Variants in PCMTD1 observed in about 807,000 individuals in gnomAD.
The protein encoded by PCMTD1 is protein-L-isoaspartate (D-aspartate) O-methyltransferase domain containing 1.
In PCMTD1, 12 loss-of-function variants were observed where a neutral mutation model predicts 37.6. The ratio of observed to expected loss-of-function variants is 0.32; its 90% CI spans 0.20 to 0.52. The LOEUF (loss-of-function observed/expected upper bound fraction) is 0.52. Among genes scored for constraint, PCMTD1 ranks in the 20% least tolerant of loss-of-function variants. PCMTD1 has a pLI of 0.97. For missense variants in PCMTD1, 235 were observed against 421.3 expected, an observed-to-expected ratio of 0.56 and a Z score of 3.87; for synonymous variants, 117 against 135.8, an observed-to-expected ratio of 0.86 and a Z score of 0.96.
chr8:51,822,327 T>G (rs2037860395), intron 5 of PCMTD1, among the ~76,000 whole-genome samples: 1 of 150,378 alleles, frequency 6.6e-6, no homozygotes. Context: ...ATTTTGAAGA[T>G]AGGATGGAAA....
chr8:51,874,344 C>T (rs1585842037), intron 1 of PCMTD1, among the ~76,000 whole-genome samples: 1 of 151,940 alleles, frequency 6.6e-6, no homozygotes, highest in Non-Finnish European at 1.5e-5. Context: ...CCATCCCCCG[C>T]CCCCGGGGCT....
chr8:51,871,179 G>A (rs1199237438), intron 1 of PCMTD1, among the ~76,000 whole-genome samples: 1 of 152,112 alleles, frequency 6.6e-6, no homozygotes, highest in African/African-American at 2.4e-5. Context: ...ATCGCCTACT[G>A]ACCTCCTTAA....
intron 1 of PCMTD1, among the ~76,000 whole-genome samples, chr8:51,898,441 G>T (rs981737948): frequency 9.2e-5 from 14 of 151,936 alleles, no homozygotes; most frequent in Non-Finnish European, 1.8e-4. Flanking sequence ...AGACTTCCCC[G>T]AGTCTACGTA....
At chr8:51,869,660 T>TA (rs2038610557) in intron 1 of PCMTD1, among the ~76,000 whole-genome samples, 1 of 151,822 alleles carries the variant, frequency 6.6e-6, no homozygotes. Flanking sequence ...CACTGAACAA[T>TA]AAAACCAAAA....
At position 51,862,351 on chromosome 8, in the gene PCMTD1, T is replaced by TATACAC. The variant is rs1554523796; in HGVS notation, c.-95-1106_-95-1105insGTGTAT. Among the ~76,000 whole-genome samples, 89 of 141,486 alleles carry TATACAC rather than the reference T, an allele frequency of 6.3e-4. 2 individuals carry two copies. The South Asian group carries it at 0.018, about 28-fold the overall frequency. 92.8% of individuals were successfully genotyped at this position (141,486 alleles called of 152,430 possible). On this transcript the variant is annotated intron_variant, in intron 1 of 5. Transcript: ENST00000522514. ...ATTCCAAGCACTAGAACATGTTTTA[T>TATACAC]ACACATACACACACACACACACTCA...
intron 5 of PCMTD1, among the ~76,000 whole-genome samples, chr8:51,826,531 A>G (rs960501482): frequency 1.3e-5 from 2 of 152,180 alleles, no homozygotes; most frequent in Non-Finnish European, 2.9e-5. Context: ...AAAAAATAAA[A>G]TAAACTTTTA....
intron 3 of PCMTD1, chr8:51,839,385 A>G: frequency 1.2e-6 from 1 of 867,296 alleles, no homozygotes; most frequent in South Asian, 5.3e-5. Flanking sequence ...TAGAGCACAC[A>G]GATATCTCGG....
At chr8:51,859,907 T>TTA (rs67279728) in intron 2 of PCMTD1, among the ~76,000 whole-genome samples, 104,365 of 151,916 alleles carry the variant, frequency 0.69, 42,304 homozygotes, top group Non-Finnish European at 0.9. Flanking sequence ...GCTGTTGATT[T>TTA]TGTCTTCTCA....
At chr8:51,841,336 G>A (rs1017268770) in intron 3 of PCMTD1, among the ~76,000 whole-genome samples, 1 of 152,078 alleles carries the variant, frequency 6.6e-6, no homozygotes, top group African/African-American at 2.4e-5. Context: ...ACTATACAGA[G>A]ACAATGGTCT....
chr8:51,842,879 T>C (rs2038167279), intron 3 of PCMTD1, among the ~76,000 whole-genome samples: 1 of 152,172 alleles, frequency 6.6e-6, no homozygotes, highest in Admixed American at 6.5e-5. Flanking sequence ...CTCTCTCCAT[T>C]ACACATAATC....
chr8:51,829,891 A>G (rs1025308073), intron 5 of PCMTD1, among the ~76,000 whole-genome samples: 2 of 152,164 alleles, frequency 1.3e-5, no homozygotes, highest in African/African-American at 4.8e-5. Context: ...CTTTCTATAA[A>G]CCCAAATTCC....
chr8:51,869,765 G>A (rs2038612214), intron 1 of PCMTD1, among the ~76,000 whole-genome samples: 1 of 152,142 alleles, frequency 6.6e-6, no homozygotes, highest in African/African-American at 2.4e-5. Context: ...CAGTTACAGA[G>A]TTATGTCTGT....
chr8:51,854,153 AAT>A (rs2129284142), intron 2 of PCMTD1, among the ~76,000 whole-genome samples: 2 of 152,304 alleles, frequency 1.3e-5, no homozygotes, highest in South Asian at 4.1e-4. Context: ...AACTTCTAAG[AAT>A]AGTGTGAAAA....
intron 1 of PCMTD1, among the ~76,000 whole-genome samples, chr8:51,893,330 C>A (rs2038960624): frequency 6.6e-6 from 1 of 152,070 alleles, no homozygotes; most frequent in Non-Finnish European, 1.5e-5. Context: ...GCATGATAAC[C>A]ATTAACATCG....
intron 1 of PCMTD1, among the ~76,000 whole-genome samples, chr8:51,881,277 T>C (rs993210162): frequency 1.3e-5 from 2 of 152,224 alleles, no homozygotes; most frequent in African/African-American, 2.4e-5. Context: ...AACATTTATA[T>C]TCTTCAAGCT....
At chr8:51,835,179 AGT>A (rs578004481) in intron 3 of PCMTD1, among the ~76,000 whole-genome samples, 76 of 152,300 alleles carry the variant, frequency 5.0e-4, no homozygotes, top group African/African-American at 1.8e-3. Context: ...ACCATCACAC[AGT>A]GTTTTGAAAT....
At chr8:51,850,028 T>C in intron 2 of PCMTD1, 1 of 701,920 alleles carries the variant, frequency 1.4e-6, no homozygotes, top group Non-Finnish European at 2.6e-6. Context: ...TACATAAAGT[T>C]CTGAAGATGA....
intron 3 of PCMTD1, 94 bp downstream of exon 3, chr8:51,845,567 A>G: frequency 2.5e-6 from 2 of 811,044 alleles, no homozygotes; most frequent in East Asian, 2.6e-5. Flanking sequence ...CATTCAATTG[A>G]GCCAGTCAGG....
intron 1 of PCMTD1, among the ~76,000 whole-genome samples, chr8:51,861,721 T>A (rs1390495076): frequency 6.6e-6 from 1 of 150,982 alleles, no homozygotes; most frequent in East Asian, 1.9e-4. Flanking sequence ...CATGTTTTTT[T>A]TTTAATTTTT....
Sources: allele counts gnomAD v4.1 joint callset (sites outside exome capture counted in the v4.1 genomes callset), GRCh38; gene constraint gnomAD v4.1.1; transcripts MANE v1.5; gene names NCBI Gene and HGNC (gene_info 2026-07-23, HGNC 2026-07-21).